Variants in PTPRM observed in about 807,000 individuals in gnomAD.
PTPRM encodes the protein protein tyrosine phosphatase receptor type M.
A neutral mutation model predicts 186.7 loss-of-function variants in PTPRM; 47 were observed. The ratio of observed to expected loss-of-function variants is 0.25; its 90% CI spans 0.20 to 0.32. PTPRM has a LOEUF of 0.32. Among genes scored for constraint, PTPRM ranks in the 10% least tolerant of loss-of-function variants. PTPRM has a pLI of 1.00. For missense variants in PTPRM, 1,494 were observed against 1,865.0 expected (o/e 0.80, Z 3.66); for synonymous variants, 668 against 674.9 (o/e 0.99, Z 0.16).
intron 1 of PTPRM, among the ~76,000 whole-genome samples, chr18:7,574,121 G>A (rs551124395): frequency 6.6e-6 from 1 of 152,168 alleles, no homozygotes; most frequent in African/African-American, 2.4e-5. Flanking sequence ...CCCTTGACAA[G>A]AGCTGAAAGA....
intron 24 of PTPRM, among the ~76,000 whole-genome samples, chr18:8,372,288 A>T (rs1214898843): frequency 1.4e-5 from 2 of 142,750 alleles, no homozygotes; most frequent in Non-Finnish European, 3.0e-5. Flanking sequence ...GTTAGCCAGG[A>T]TGGTCTCGAT....
At chr18:7,574,937 C>A (rs1239013282) in intron 1 of PTPRM, among the ~76,000 whole-genome samples, 1 of 152,170 alleles carries the variant, frequency 6.6e-6, no homozygotes, top group African/African-American at 2.4e-5. Context: ...GAAGCTGAGG[C>A]AGGAGAATGG....
chr18:8,303,592 T>G (rs1353969130), intron 20 of PTPRM, among the ~76,000 whole-genome samples: 1 of 152,002 alleles, frequency 6.6e-6, no homozygotes, highest in Non-Finnish European at 1.5e-5. Flanking sequence ...ACACAATATG[T>G]TTAGGAAGGC....
chr18:8,310,455 A>G (rs2083188373), intron 20 of PTPRM, among the ~76,000 whole-genome samples: 2 of 148,214 alleles, frequency 1.3e-5, no homozygotes, highest in South Asian at 4.5e-4. Context: ...CAGCACATTC[A>G]CCACACCAAC....
chr18:7,819,096 G>A (rs2045020261), intron 2 of PTPRM, among the ~76,000 whole-genome samples: 1 of 152,210 alleles, frequency 6.6e-6, no homozygotes, highest in South Asian at 2.1e-4. Flanking sequence ...AATGTCCAGT[G>A]GTTTCTTACT....
chr18:8,402,561 G>A (rs563497299), intron 32 of PTPRM, among the ~76,000 whole-genome samples: 2 of 152,282 alleles, frequency 1.3e-5, no homozygotes, highest in African/African-American at 2.4e-5. Flanking sequence ...TGCACAATTA[G>A]GCTTGTATAA....
chr18:8,070,612 A>T (rs1241053853), intron 8 of PTPRM, among the ~76,000 whole-genome samples: 1 of 152,210 alleles, frequency 6.6e-6, no homozygotes, highest in East Asian at 1.9e-4. Flanking sequence ...ATATACAGGA[A>T]ACCTCCATAG....
intron 1 of PTPRM, among the ~76,000 whole-genome samples, chr18:7,616,524 C>T (rs550155848): frequency 5.6e-4 from 86 of 152,258 alleles, no homozygotes; most frequent in African/African-American, 1.8e-3. Flanking sequence ...ATCACTCACC[C>T]CTTTCTCTTT....
chr18:8,293,298 G>A (rs1484737562), intron 19 of PTPRM, among the ~76,000 whole-genome samples: 2 of 152,136 alleles, frequency 1.3e-5, no homozygotes, highest in Non-Finnish European at 2.9e-5. Context: ...TAAATACAAG[G>A]GCTATTGGCA....
In PTPRM at chr18:7,894,014, AAAAC is replaced by A. The variant is rs376034875; in HGVS notation, c.468+5653_468+5656del. On this transcript the variant is annotated intron_variant, in intron 3 of 32. Coordinates refer to ENST00000580170, the MANE Select transcript of PTPRM (RefSeq NM_001105244.2). ...CAGAAGAAAAGCCTGGACAAAAAAC[AAAAC>A]AAACAAACAAACAAAAAAACAATAA... is the stretch of plus-strand genomic sequence containing the variant. Among the ~76,000 whole-genome samples, 573 of 152,284 alleles carry A rather than the reference AAAAC, an allele frequency of 3.8e-3. 3 individuals are homozygous for A. The highest frequency in any genetic ancestry group is 0.013 in the African/African-American group (549 of 41,544).
At chr18:8,334,859 A>G (rs1346316269) in intron 22 of PTPRM, among the ~76,000 whole-genome samples, 1 of 151,932 alleles carries the variant, frequency 6.6e-6, no homozygotes, top group Non-Finnish European at 1.5e-5. Flanking sequence ...TCAGTTTACC[A>G]TTTCTCTCAG....
intron 14 of PTPRM, among the ~76,000 whole-genome samples, chr18:8,145,708 T>C (rs781159195): frequency 4.6e-5 from 7 of 152,214 alleles, no homozygotes; most frequent in African/African-American, 1.2e-4. Flanking sequence ...ACATTTTCTT[T>C]ATCCAGTCTG....
intron 1 of PTPRM, among the ~76,000 whole-genome samples, chr18:7,600,219 C>T (rs1297126126): frequency 6.6e-6 from 1 of 151,136 alleles, no homozygotes; most frequent in East Asian, 2.0e-4. Context: ...GTGACTACCT[C>T]ACAGTCTGTT....
At chr18:7,651,247 CA>C (rs982549974) in intron 1 of PTPRM, among the ~76,000 whole-genome samples, 1 of 152,082 alleles carries the variant, frequency 6.6e-6, no homozygotes, top group Non-Finnish European at 1.5e-5. Flanking sequence ...CCCATGTGAC[CA>C]GGCTTCACAA....
At chr18:7,600,760 C>A (rs2037380825) in intron 1 of PTPRM, among the ~76,000 whole-genome samples, 2 of 152,186 alleles carry the variant, frequency 1.3e-5, no homozygotes, top group Non-Finnish European at 2.9e-5. Context: ...GCTGCCTGCA[C>A]CGGTAAGCTT....
chr18:8,068,562 T>C (rs942366395), intron 7 of PTPRM, among the ~76,000 whole-genome samples: 2 of 152,208 alleles, frequency 1.3e-5, no homozygotes, highest in Admixed American at 6.5e-5. Context: ...AGCTTGAAAC[T>C]GTACCTGGAG....
At chr18:8,258,782 C>T (rs2094598725) in intron 19 of PTPRM, among the ~76,000 whole-genome samples, 2 of 151,932 alleles carry the variant, frequency 1.3e-5, no homozygotes, top group Admixed American at 1.3e-4. Flanking sequence ...CTAATAGTGT[C>T]ACTCTGGGGC....
chr18:8,249,033 A>G (rs758575895), intron 17 of PTPRM, among the ~76,000 whole-genome samples: 1 of 152,228 alleles, frequency 6.6e-6, no homozygotes, highest in Non-Finnish European at 1.5e-5. Flanking sequence ...ACCTGAGTGT[A>G]TCACGGCTGT....
At chr18:7,987,646 C>T (rs891933259) in intron 7 of PTPRM, among the ~76,000 whole-genome samples, 8 of 152,086 alleles carry the variant, frequency 5.3e-5, no homozygotes, top group African/African-American at 1.9e-4. Flanking sequence ...TGAAATTAAC[C>T]TGGGAGGTGC....
Sources: gnomAD v4.1 joint callset for allele counts (sites outside exome capture counted in the v4.1 genomes callset) on GRCh38, gnomAD v4.1.1 for gene constraint, MANE v1.5 for transcripts, NCBI Gene and HGNC (gene_info 2026-07-23, HGNC 2026-07-21) for gene names.